CDH9: variants seen among roughly 807,000 people sequenced by gnomAD.
CDH9 encodes the protein cadherin-9.
In CDH9, 28 loss-of-function variants were observed where a neutral mutation model predicts 70.9. The ratio of observed to expected loss-of-function variants is 0.40; its 90% CI spans 0.29 to 0.54. The LOEUF (loss-of-function observed/expected upper bound fraction) is 0.54. Ranked by LOEUF, CDH9 falls within the 20% of genes least tolerant of loss-of-function variation. CDH9 has a pLI of 0.59. For missense variants in CDH9, 874 were observed against 984.4 expected (o/e 0.89, Z 1.50); for synonymous variants, 409 against 343.1 (o/e 1.19, Z -2.12).
intron 1 of CDH9, among the ~76,000 whole-genome samples, chr5:27,016,588 A>G (rs1270776068): frequency 6.6e-6 from 1 of 151,916 alleles, no homozygotes; most frequent in Non-Finnish European, 1.5e-5. Context: ...CGATTTTGAG[A>G]GGAATTTTAG....
At chr5:27,021,438 G>A (rs1005832434) in intron 1 of CDH9, among the ~76,000 whole-genome samples, 1 of 151,700 alleles carries the variant, frequency 6.6e-6, no homozygotes, top group Non-Finnish European at 1.5e-5. Flanking sequence ...CCTAAATTTT[G>A]AGTCTTATAA....
chr5:26,893,993 TG>T (rs1561185651), intron 7 of CDH9, among the ~76,000 whole-genome samples: 1 of 152,136 alleles, frequency 6.6e-6, no homozygotes, highest in African/African-American at 2.4e-5. Context: ...ATAAAGTCAT[TG>T]GAACAACAAA....
rs192072563 is a variant in CDH9 at position 26,921,237 on chromosome 5, G to C, written c.229-5313C>G. On this transcript the variant is annotated intron_variant, in intron 2 of 11. Coordinates refer to ENST00000231021, the MANE Select transcript of CDH9 (RefSeq NM_016279.4). ...AAGATGGGAAGTACCTATGCTGAAAGGAACACCCTTAAGATGCCCAGTAAT... is the reference window on the plus strand; with the variant it reads ...AAGATGGGAAGTACCTATGCTGAAACGAACACCCTTAAGATGCCCAGTAAT... Among the ~76,000 whole-genome samples the C allele has an allele frequency of 1.1e-4, 16 of 152,120 alleles. No homozygotes were observed. In the East Asian group the frequency reaches 1.7e-3, roughly 17 times the overall value.
In CDH9 at chr5:26,885,981, T is replaced by C. The variant is rs1202948043; in HGVS notation, c.1615A>G (p.Ile539Val). The change falls in exon 10 of 12, where the codon ATT (isoleucine) becomes GTT (valine). Residue 539 changes from isoleucine (I) to valine (V), a missense_variant. Physicochemically the swap from Ile to Val is conservative, Grantham distance 29. Coordinates refer to ENST00000231021, the MANE Select transcript of CDH9 (RefSeq NM_016279.4). ...TTTCTTATACCTTTATTATCTACAA[T>C]GGTGAAATTCGGATTGAGAGTAAAT... ...PEFTLNPNFT[I>V]VDNKDNTAGI... 6.2e-7 allele frequency: 1 copy of C among 1,608,860 alleles called. No homozygotes were observed.
rs531334581 is a variant in CDH9, at chr5:27,001,875, C to G, written c.-49-13493G>C. Reference sequence around the variant, plus strand: ...TCTCTCTCTCTCTCTCTCTCTCTCTCTCAACAAAACGCTGCTACATTGATG... The same window carrying G: ...TCTCTCTCTCTCTCTCTCTCTCTCTGTCAACAAAACGCTGCTACATTGATG... On this transcript the variant is annotated intron_variant, in intron 1 of 11. Transcript: ENST00000231021. Among the ~76,000 whole-genome samples the G allele has an allele frequency of 6.1e-5, 9 of 146,362 alleles. No homozygotes were observed. The East Asian group carries it at 1.6e-3, about 26-fold the overall frequency.
At chr5:26,986,405 G>A (rs1279991439) in intron 2 of CDH9, among the ~76,000 whole-genome samples, 1 of 151,910 alleles carries the variant, frequency 6.6e-6, no homozygotes, top group African/African-American at 2.4e-5. Context: ...GACAGATTAT[G>A]GAATTAATTA....
At chr5:26,991,781 CTGAG>C (rs1462754043) in intron 1 of CDH9, among the ~76,000 whole-genome samples, 2 of 152,032 alleles carry the variant, frequency 1.3e-5, no homozygotes, top group Non-Finnish European at 2.9e-5. Flanking sequence ...AGGTGGATGA[CTGAG>C]TGATTTCTTG....
At chr5:27,023,074 T>C (rs1743166288) in intron 1 of CDH9, among the ~76,000 whole-genome samples, 1 of 152,050 alleles carries the variant, frequency 6.6e-6, no homozygotes, top group Non-Finnish European at 1.5e-5. Context: ...CCTCTTTCCA[T>C]CATTTTAAAA....
chr5:27,026,192 A>G (rs1394039201), intron 1 of CDH9, among the ~76,000 whole-genome samples: 2 of 152,174 alleles, frequency 1.3e-5, no homozygotes, highest in African/African-American at 4.8e-5. Context: ...TTTAATTAAT[A>G]AAACACTGAA....
intron 2 of CDH9, among the ~76,000 whole-genome samples, chr5:26,979,956 AT>A (rs1366654944): frequency 6.6e-6 from 1 of 151,862 alleles, no homozygotes; most frequent in African/African-American, 2.4e-5. Flanking sequence ...CCCAGGAAGA[AT>A]TTAAATATGG....
chr5:26,883,303 G>T (rs985504761), intron 11 of CDH9, among the ~76,000 whole-genome samples: 3 of 151,110 alleles, frequency 2.0e-5, no homozygotes, highest in Admixed American at 1.3e-4. Context: ...TGTATTAAGG[G>T]TTTCTCAACT....
intron 2 of CDH9, among the ~76,000 whole-genome samples, chr5:26,929,344 T>C (rs1424612840): frequency 6.6e-6 from 1 of 151,988 alleles, no homozygotes; most frequent in Non-Finnish European, 1.5e-5. Flanking sequence ...CAATAACAGA[T>C]GCTGGTGAGG....
chr5:26,975,364 T>C (rs1742288810), intron 2 of CDH9, among the ~76,000 whole-genome samples: 1 of 152,144 alleles, frequency 6.6e-6, no homozygotes, highest in Non-Finnish European at 1.5e-5. Flanking sequence ...ATATAGAAAG[T>C]CTTATTCTTA....
chr5:26,974,911 T>C (rs1391814105), intron 2 of CDH9, among the ~76,000 whole-genome samples: 1 of 152,142 alleles, frequency 6.6e-6, no homozygotes, highest in Non-Finnish European at 1.5e-5. Context: ...GTAGTCACCA[T>C]GCTGTACATT....
chr5:26,972,428 G>A (rs1454177413), intron 2 of CDH9, among the ~76,000 whole-genome samples: 1 of 152,146 alleles, frequency 6.6e-6, no homozygotes, highest in Admixed American at 6.5e-5. Flanking sequence ...CTCAGTATAT[G>A]TGGGGGCTGA....
At chr5:26,887,240 C>A (rs1740580451) in intron 9 of CDH9, among the ~76,000 whole-genome samples, 1 of 151,692 alleles carries the variant, frequency 6.6e-6, no homozygotes, top group African/African-American at 2.4e-5. Flanking sequence ...TATATAGGAT[C>A]TAATATTTTT....
At chr5:26,988,005 T>C in intron 2 of CDH9, 101 bp downstream of exon 2, 1 of 768,466 alleles carries the variant, frequency 1.3e-6, no homozygotes, top group Non-Finnish European at 2.1e-6. Context: ...ACATAATTAG[T>C]TAAATATTTT....
intron 2 of CDH9, among the ~76,000 whole-genome samples, chr5:26,918,334 T>C (rs922999337): frequency 2.6e-5 from 4 of 152,206 alleles, no homozygotes; most frequent in Admixed American, 1.3e-4. Flanking sequence ...TTAGGATGGA[T>C]GAGCCTGCTC....
intron 1 of CDH9, among the ~76,000 whole-genome samples, chr5:26,998,159 A>G (rs1423106791): frequency 1.3e-5 from 2 of 152,224 alleles, no homozygotes; most frequent in African/African-American, 4.8e-5. Flanking sequence ...TTTGAGCAAT[A>G]GAAACAACCA....
Sources: allele counts gnomAD v4.1 joint callset (sites outside exome capture counted in the v4.1 genomes callset), GRCh38; gene constraint gnomAD v4.1.1; transcripts MANE v1.5; gene names NCBI Gene and HGNC (gene_info 2026-07-23, HGNC 2026-07-21).